Variants in GRID2 observed in about 807,000 individuals in gnomAD.
GRID2 encodes glutamate receptor ionotropic, delta-2.
A neutral mutation model predicts 114.8 loss-of-function variants in GRID2; 33 were observed. That is an observed-to-expected ratio of 0.29 (90% CI 0.22 to 0.38). GRID2 has a LOEUF of 0.38. Ranked by LOEUF, GRID2 falls within the 10% of genes least tolerant of loss-of-function variation. GRID2 has a pLI of 1.00. For synonymous variants in GRID2, 505 were observed against 449.9 expected, an observed-to-expected ratio of 1.12 and a Z score of -1.55; for missense variants, 1,184 against 1,257.7, an observed-to-expected ratio of 0.94 and a Z score of 0.89.
chr4:92,827,204 T>C (rs1477504441), intron 2 of GRID2, among the ~76,000 whole-genome samples: 1 of 152,060 alleles, frequency 6.6e-6, no homozygotes, highest in African/African-American at 2.4e-5. Flanking sequence ...TAAACTATTC[T>C]ATTTTATTTA....
At chr4:93,385,467 T>C (rs1764227286) in intron 8 of GRID2, among the ~76,000 whole-genome samples, 1 of 152,158 alleles carries the variant, frequency 6.6e-6, no homozygotes, top group African/African-American at 2.4e-5. Context: ...AGTTCTTTCT[T>C]TGAGAAAAAT....
At chr4:93,105,143 T>C (rs1732086689) in intron 3 of GRID2, among the ~76,000 whole-genome samples, 1 of 152,264 alleles carries the variant, frequency 6.6e-6, no homozygotes, top group African/African-American at 2.4e-5. Flanking sequence ...TTGCCCATTT[T>C]TGATGGCGTT....
At chr4:93,040,593 C>A (rs188703400) in intron 2 of GRID2, among the ~76,000 whole-genome samples, 38 of 152,114 alleles carry the variant, frequency 2.5e-4, no homozygotes, top group Admixed American at 1.2e-3. Context: ...TTAATTCTGT[C>A]CTGGTTAACT....
chr4:92,503,413 C>A (rs950379915), intron 1 of GRID2, among the ~76,000 whole-genome samples: 7 of 152,088 alleles, frequency 4.6e-5, no homozygotes. Flanking sequence ...ATGAAATCAT[C>A]CAATCCAATT....
chr4:93,514,026 T>C (rs942532617), intron 12 of GRID2, among the ~76,000 whole-genome samples: 1 of 152,170 alleles, frequency 6.6e-6, no homozygotes, highest in South Asian at 2.1e-4. Context: ...TCGTTCTTGT[T>C]TGAAGTACAG....
At chr4:92,864,249 C>T (rs1744713224) in intron 2 of GRID2, among the ~76,000 whole-genome samples, 1 of 152,152 alleles carries the variant, frequency 6.6e-6, no homozygotes, top group African/African-American at 2.4e-5. Context: ...GGATTGTTGA[C>T]CAAAACTTCT....
rs181872550 is a variant in GRID2 at position 93,332,281 on chromosome 4, T to C, written c.1246-63326T>C. ...GTGTGTGTGTGCGTGTGTGTGTGTGTGTGTGTGTGTGTGTGTGTGAGAGAG... is the reference window on the plus strand; with the variant it reads ...GTGTGTGTGTGCGTGTGTGTGTGTGCGTGTGTGTGTGTGTGTGTGAGAGAG... On this transcript the variant is annotated intron_variant, in intron 8 of 15. Coordinates refer to ENST00000282020, the MANE Select transcript of GRID2 (RefSeq NM_001510.4). Among the ~76,000 whole-genome samples, 836 of 123,392 alleles carry C rather than the reference T, an allele frequency of 6.8e-3. 9 individuals carry two copies. Among genetic ancestry groups the C allele is most frequent in the African/African-American group, 0.032 (801 of 25,388 alleles). The allele number at this position is 123,392 out of a possible 152,430, so 80.9% of individuals were successfully genotyped here. A position where few individuals can be genotyped will look rare whatever the true frequency, so the allele number is the denominator to read the frequency against.
intron 14 of GRID2, among the ~76,000 whole-genome samples, chr4:93,752,986 A>G (rs1732456616): frequency 6.6e-6 from 1 of 152,178 alleles, no homozygotes; most frequent in Non-Finnish European, 1.5e-5. Flanking sequence ...AGTGGAAGTG[A>G]TAAGAATGGC....
At chr4:93,521,681 G>C (rs1472512087) in intron 13 of GRID2, among the ~76,000 whole-genome samples, 1 of 151,972 alleles carries the variant, frequency 6.6e-6, no homozygotes, top group Non-Finnish European at 1.5e-5. Context: ...TATGAGACTA[G>C]AAAGAAGAGA....
intron 14 of GRID2, among the ~76,000 whole-genome samples, chr4:93,706,055 C>T (rs1727970868): frequency 6.6e-6 from 1 of 152,048 alleles, no homozygotes; most frequent in African/African-American, 2.4e-5. Flanking sequence ...GTTTTTATGC[C>T]AGTACCGTGT....
intron 9 of GRID2, among the ~76,000 whole-genome samples, chr4:93,407,905 T>A (rs2149348248): frequency 6.6e-6 from 1 of 152,086 alleles, no homozygotes; most frequent in Non-Finnish European, 1.5e-5. Flanking sequence ...CCATTGCTAG[T>A]GGTATGATTT....
chr4:93,593,659 T>A (rs1738675101), intron 13 of GRID2, among the ~76,000 whole-genome samples: 1 of 151,998 alleles, frequency 6.6e-6, no homozygotes, highest in African/African-American at 2.4e-5. Context: ...TTTTCCAACT[T>A]GGTTCCATTC....
At chr4:93,304,615 A>T (rs1755225527) in intron 8 of GRID2, among the ~76,000 whole-genome samples, 1 of 152,320 alleles carries the variant, frequency 6.6e-6, no homozygotes, top group South Asian at 2.1e-4. Context: ...TTTAACACAC[A>T]CTACAAGGAA....
chr4:93,328,349 A>G (rs1446950924), intron 8 of GRID2, among the ~76,000 whole-genome samples: 2 of 152,048 alleles, frequency 1.3e-5, no homozygotes, highest in Admixed American at 6.6e-5. Context: ...CTGCACTGAC[A>G]TTATTTTCAT....
At chr4:92,692,916 G>A (rs760575869) in intron 2 of GRID2, among the ~76,000 whole-genome samples, 6 of 151,798 alleles carry the variant, frequency 4.0e-5, no homozygotes, top group African/African-American at 9.7e-5. Context: ...CTAGCTACTC[G>A]GGAGGCTGGG....
chr4:93,662,483 G>A (rs544436592), intron 14 of GRID2, among the ~76,000 whole-genome samples: 23 of 152,258 alleles, frequency 1.5e-4, no homozygotes, highest in African/African-American at 5.5e-4. Flanking sequence ...TTTTGCAATA[G>A]AGTAAGCTCT....
At chr4:93,790,523 G>A (rs1306705547) in intron 1 of GRID2, among the ~76,000 whole-genome samples, 2 of 147,154 alleles carry the variant, frequency 1.4e-5, no homozygotes, top group African/African-American at 5.0e-5. Flanking sequence ...CTTTAGGTTA[G>A]CCCTCAAAAA....
At chr4:93,101,429 C>A (rs1057453128) in intron 3 of GRID2, among the ~76,000 whole-genome samples, 1 of 151,964 alleles carries the variant, frequency 6.6e-6, no homozygotes, top group Non-Finnish European at 1.5e-5. Context: ...CCCCTCTACC[C>A]TTCTTGGCCC....
intron 1 of GRID2, among the ~76,000 whole-genome samples, chr4:92,314,179 G>A (rs1307800548): frequency 6.6e-6 from 1 of 151,894 alleles, no homozygotes; most frequent in Non-Finnish European, 1.5e-5. Flanking sequence ...GACAAGTTTA[G>A]AGTTTAGATT....
Sources: gnomAD v4.1 joint callset for allele counts (sites outside exome capture counted in the v4.1 genomes callset) on GRCh38, gnomAD v4.1.1 for gene constraint, MANE v1.5 for transcripts, NCBI Gene and HGNC (gene_info 2026-07-23, HGNC 2026-07-21) for gene names.